NFXL1: variants seen among roughly 807,000 people sequenced by gnomAD.
NFXL1 encodes NF-X1-type zinc finger protein NFXL1.
A neutral mutation model predicts 123.3 loss-of-function variants in NFXL1; 66 were observed. That is an observed-to-expected ratio of 0.54 (90% CI 0.44 to 0.66). The LOEUF (loss-of-function observed/expected upper bound fraction) is 0.66, where lower values mean the gene tolerates loss of function less well. Among genes scored for constraint, NFXL1 ranks in the 30% least tolerant of loss-of-function variants. NFXL1 has a pLI of 0.00. For synonymous variants in NFXL1, 346 were observed against 360.8 expected, an observed-to-expected ratio of 0.96 and a Z score of 0.46; for missense variants, 944 against 1,125.6, an observed-to-expected ratio of 0.84 and a Z score of 2.31.
At chr4:47,868,571 CAA>C (rs35342812) in intron 18 of NFXL1, among the ~76,000 whole-genome samples, 3 of 134,626 alleles carry the variant, frequency 2.2e-5, no homozygotes, top group Admixed American at 7.4e-5. Flanking sequence ...TAAAAACGTA[CAA>C]AAAAAAAAAG....
intron 21 of NFXL1, 80 bp downstream of exon 21, chr4:47,851,776 G>A: frequency 1.1e-6 from 1 of 878,636 alleles, no homozygotes; most frequent in Non-Finnish European, 1.8e-6. Flanking sequence ...ATTTCAAGTT[G>A]TTTTTAATAA....
chr4:47,867,606 G>A (rs1340000991), intron 18 of NFXL1, among the ~76,000 whole-genome samples: 1 of 151,892 alleles, frequency 6.6e-6, no homozygotes, highest in Non-Finnish European at 1.5e-5. Context: ...TATTAACCCT[G>A]AGTCGTACCT....
chr4:47,849,369 T>C (rs889926393), intron 22 of NFXL1, among the ~76,000 whole-genome samples: 2 of 152,064 alleles, frequency 1.3e-5, no homozygotes, highest in African/African-American at 4.8e-5. Flanking sequence ...TAATGTAATA[T>C]AATATGCTAT....
In NFXL1 at chr4:47,914,195, A is replaced by G; in HGVS notation, c.9T>C (p.Ala3=). The part of the protein sequence containing the change: ME[A]SWRQVAGGRG... ...GGCCACCGGCCACCTGGCGCCAGGA[A>G]GCTTCCATCCCTGCAAAGGAGAAAA... is the stretch of plus-strand genomic sequence containing the variant. The change falls in exon 2 of 23, where the codon GCT becomes GCC. Residue 3 remains alanine (A), a synonymous_variant. Coordinates refer to ENST00000507489, the MANE Select transcript of NFXL1 (RefSeq NM_001278624.2). 1 of 1,516,322 alleles carries G rather than the reference A, an allele frequency of 6.6e-7. No individual in the cohort carries two copies. The highest frequency in any genetic ancestry group is 8.8e-7 in the Non-Finnish European group (1 of 1,131,254). 93.9% of individuals were successfully genotyped at this position (1,516,322 alleles called of 1,614,324 possible).
intron 3 of NFXL1, among the ~76,000 whole-genome samples, chr4:47,909,254 C>T (rs866550214): frequency 1.3e-5 from 2 of 152,244 alleles, no homozygotes; most frequent in Middle Eastern, 6.8e-3. Context: ...AGAATCAAAC[C>T]GTAGCAATCT....
At chr4:47,876,927 C>T (rs978059233) in intron 17 of NFXL1, 12 of 403,848 alleles carry the variant, frequency 3.0e-5, no homozygotes, top group African/African-American at 8.4e-5. Context: ...TGGGTAAAAA[C>T]GGTAAAATGA....
At position 47,878,773 on chromosome 4, in the gene NFXL1, G is replaced by C. The variant is rs1578012949; in HGVS notation, c.1939-108C>G. ...ATCATTTGAGAACAAGTTTCAGAAA[G>C]GTATAAGTTTGCACGAATAATAATA... On this transcript the variant is annotated intron_variant, in intron 16 of 22. Coordinates refer to ENST00000507489, the MANE Select transcript of NFXL1 (RefSeq NM_001278624.2). 3.9e-6 allele frequency: 3 copies of C among 778,510 alleles called. No individual in the cohort carries two copies. In the East Asian group the frequency reaches 8.9e-5, roughly 23 times the overall value. 48.2% of individuals were successfully genotyped at this position (778,510 alleles called of 1,614,324 possible). A position where few individuals can be genotyped will look rare whatever the true frequency, so the allele number is the denominator to read the frequency against.
chr4:47,875,055 G>T (rs1735664191), intron 18 of NFXL1, 72 bp downstream of exon 18: 1 of 1,026,538 alleles, frequency 9.7e-7, no homozygotes, highest in Non-Finnish European at 1.5e-6. Flanking sequence ...CACTATAAAG[G>T]GTTCTTAATT....
Position 47,894,221 on chromosome 4 carries a change from C to T in NFXL1, c.1411G>A (p.Val471Ile). 1 of 1,606,604 alleles carries T rather than the reference C, an allele frequency of 6.2e-7. No individual in the cohort carries two copies. The highest frequency in any genetic ancestry group is 8.5e-7 in the Non-Finnish European group (1 of 1,176,080). Residue 471 changes from valine (V) to isoleucine (I), a missense_variant, in exon 11 of 23, where the codon GTT becomes ATT. By Grantham distance (29) the Val-to-Ile change is conservative. Coordinates refer to ENST00000507489, the MANE Select transcript of NFXL1 (RefSeq NM_001278624.2). ...HKPYLCETKCVKMRDCQKHQC... is the reference protein window; with the variant it reads ...HKPYLCETKCIKMRDCQKHQC... ...TGCTTCTGACAGTCACGCATCTTAACACACTTAGTTTCACACAGATAAGGT... is the reference window on the plus strand; with the variant it reads ...TGCTTCTGACAGTCACGCATCTTAATACACTTAGTTTCACACAGATAAGGT...
In NFXL1 at chr4:47,855,112, A is replaced by G; in HGVS notation, c.2368T>C (p.Phe790Leu). Residue 790 changes from phenylalanine (F) to leucine (L), a missense_variant, in exon 20 of 23, where the codon TTT (phenylalanine) becomes CTT (leucine). Phe to Leu is a conservative substitution (Grantham distance 22, BLOSUM62 0). This residue lies in a region of NFXL1 where 301 missense variants were observed against 348.0 expected (regional missense o/e 0.86). Coordinates refer to ENST00000507489, the MANE Select transcript of NFXL1 (RefSeq NM_001278624.2). Reference protein sequence around the residue: ...KEMCHPGECPFNCNQKVKLRC... With the variant: ...KEMCHPGECPLNCNQKVKLRC... ...AGTTTTACCTTCTGGTTGCAGTTAA[A>G]GGGACATTCACCAGGATGACACATC... is the stretch of plus-strand genomic sequence containing the variant. The G allele has an allele frequency of 6.3e-7, 1 of 1,588,832 alleles. No individual in the cohort carries two copies. Among genetic ancestry groups the G allele is most frequent in the Non-Finnish European group, 8.6e-7 (1 of 1,163,182 alleles).
At chr4:47,895,296 A>G (rs1304736180) in intron 10 of NFXL1, among the ~76,000 whole-genome samples, 1 of 152,202 alleles carries the variant, frequency 6.6e-6, no homozygotes, top group Admixed American at 6.5e-5. Flanking sequence ...TAAAGTCATC[A>G]GCTACATTAG....
intron 17 of NFXL1, among the ~76,000 whole-genome samples, chr4:47,877,884 T>G (rs2110069355): frequency 6.6e-6 from 1 of 152,180 alleles, no homozygotes; most frequent in Middle Eastern, 3.4e-3. Context: ...TACAACTCCC[T>G]ACAGAACGGA....
chr4:47,885,836 T>G, intron 13 of NFXL1, 43 bp downstream of exon 13: 1 of 1,578,654 alleles, frequency 6.3e-7, no homozygotes, highest in South Asian at 1.2e-5. Flanking sequence ...AATTTAAATT[T>G]GTACAACATC....
At chr4:47,873,831 C>A (rs1735584332) in intron 18 of NFXL1, among the ~76,000 whole-genome samples, 1 of 152,144 alleles carries the variant, frequency 6.6e-6, no homozygotes, top group African/African-American at 2.4e-5. Flanking sequence ...CATTTTCTTT[C>A]AACAGAAGGC....
At chr4:47,865,877 G>T (rs1451743994) in intron 18 of NFXL1, among the ~76,000 whole-genome samples, 1 of 152,110 alleles carries the variant, frequency 6.6e-6, no homozygotes, top group Non-Finnish European at 1.5e-5. Flanking sequence ...TTAGCCTGGT[G>T]CGATGGTGTG....
intron 2 of NFXL1, among the ~76,000 whole-genome samples, chr4:47,912,327 C>T (rs1350093966): frequency 1.3e-5 from 2 of 152,092 alleles, no homozygotes; most frequent in African/African-American, 4.8e-5. Flanking sequence ...ACATTCATAA[C>T]CTGATAAATG....
At chr4:47,898,406 C>T (rs1221037080) in intron 8 of NFXL1, among the ~76,000 whole-genome samples, 1 of 152,018 alleles carries the variant, frequency 6.6e-6, no homozygotes, top group Non-Finnish European at 1.5e-5. Context: ...GGACAAGCAA[C>T]CTATAAAATC....
intron 16 of NFXL1, 97 bp downstream of exon 16, chr4:47,878,999 C>G: frequency 1.3e-6 from 1 of 744,034 alleles, no homozygotes; most frequent in Non-Finnish European, 2.2e-6. Context: ...AATAACAATA[C>G]TTTGACTTTG....
At chr4:47,878,263 T>G (rs926080245) in intron 17 of NFXL1, among the ~76,000 whole-genome samples, 3 of 151,948 alleles carry the variant, frequency 2.0e-5, no homozygotes, top group African/African-American at 7.2e-5. Flanking sequence ...TAAAACCATA[T>G]CCTATGTATT....
Sources: allele counts gnomAD v4.1 joint callset (sites outside exome capture counted in the v4.1 genomes callset), GRCh38; gene constraint gnomAD v4.1.1; regional missense constraint gnomAD v4.1.1; transcripts MANE v1.5; gene names NCBI Gene and HGNC (gene_info 2026-07-23, HGNC 2026-07-21).